DEPTOR: variants seen among roughly 807,000 people sequenced by gnomAD.
DEPTOR encodes DEP domain-containing mTOR-interacting protein.
Under a neutral mutation model 41.6 loss-of-function variants are expected in DEPTOR, and 41 were observed. The observed-to-expected ratio is 0.98, with a 90% confidence interval of 0.77 to 1.28. The LOEUF (loss-of-function observed/expected upper bound fraction) is 1.28. Ranked by LOEUF, DEPTOR falls within the 50% of genes most tolerant of loss-of-function variation. DEPTOR has a pLI of 0.00. For synonymous variants in DEPTOR, 195 were observed against 192.3 expected (o/e 1.01, Z -0.12); for missense variants, 514 against 527.9 (o/e 0.97, Z 0.26).
chr8:119,919,466 A>T (rs1827863596), intron 1 of DEPTOR, among the ~76,000 whole-genome samples: 1 of 152,162 alleles, frequency 6.6e-6, no homozygotes, highest in Non-Finnish European at 1.5e-5. Context: ...TTCTACTGTG[A>T]GGATATATTA....
Position 119,974,070 on chromosome 8 carries a change from A to AG in DEPTOR, c.604+8664dup, listed in dbSNP as rs1231725903. Among the ~76,000 whole-genome samples the AG allele has an allele frequency of 3.3e-5, 5 of 152,066 alleles. No individual in the cohort carries two copies. The East Asian group carries it at 9.7e-4, about 30-fold the overall frequency. ...CTGGAATAGCCCAGCTGGAAAGGAA[A>AG]GGGGAAAAAGGGGAAGAGGAGAGGG... On this transcript the variant is annotated intron_variant, in intron 4 of 8. Coordinates refer to ENST00000286234, the MANE Select transcript of DEPTOR (RefSeq NM_022783.4).
At chr8:119,972,858 A>G (rs1474339919) in intron 4 of DEPTOR, among the ~76,000 whole-genome samples, 1 of 152,190 alleles carries the variant, frequency 6.6e-6, no homozygotes, top group Non-Finnish European at 1.5e-5. Flanking sequence ...AACCTCTGAA[A>G]TCTACAATAT....
intron 3 of DEPTOR, among the ~76,000 whole-genome samples, chr8:119,931,509 G>T (rs1043107435): frequency 1.3e-5 from 2 of 152,176 alleles, no homozygotes; most frequent in Non-Finnish European, 2.9e-5. Context: ...AGACCTCACA[G>T]ATGATAGCCA....
At chr8:119,896,144 A>G (rs540259082) in intron 1 of DEPTOR, among the ~76,000 whole-genome samples, 57 of 152,316 alleles carry the variant, frequency 3.7e-4, no homozygotes, top group Middle Eastern at 3.4e-3. Context: ...TAACAACAAT[A>G]ATAAAAATAA....
At chr8:119,874,211 G>C in intron 1 of DEPTOR, 1 of 561,140 alleles carries the variant, frequency 1.8e-6, no homozygotes. Context: ...TGCGCGCTGC[G>C]CCCTAGCCTG....
chr8:119,884,784 C>T (rs929349565), intron 1 of DEPTOR, among the ~76,000 whole-genome samples: 4 of 151,228 alleles, frequency 2.6e-5, no homozygotes, highest in African/African-American at 7.3e-5. Flanking sequence ...AGTGTGGTGG[C>T]ATGATTGCAA....
rs879669921 is a variant in DEPTOR at position 119,955,472 on chromosome 8, CT to C, written c.426-9749del. On this transcript the variant is annotated intron_variant, in intron 3 of 8. Transcript: ENST00000286234. ...CATTTTGACATAATTTTTTTCCTTT[CT>C]TTTTTTTTTTGAGTCAAAGTTTCGC... Among the ~76,000 whole-genome samples the C allele has an allele frequency of 4.7e-3, 682 of 145,950 alleles. 4 individuals carry two copies. Among genetic ancestry groups the C allele is most frequent in the African/African-American group, 0.015 (598 of 40,186 alleles).
intron 1 of DEPTOR, among the ~76,000 whole-genome samples, chr8:119,893,112 T>G (rs2129722046): frequency 6.6e-6 from 1 of 152,282 alleles, no homozygotes; most frequent in East Asian, 1.9e-4. Context: ...ATTACATCTT[T>G]CAAGTGAAGG....
intron 4 of DEPTOR, among the ~76,000 whole-genome samples, chr8:119,987,372 C>A (rs1458439438): frequency 6.6e-6 from 1 of 152,174 alleles, no homozygotes; most frequent in Non-Finnish European, 1.5e-5. Flanking sequence ...TACAGAACAG[C>A]AAAGATTGCT....
chr8:119,987,500 C>A (rs1435433685), intron 4 of DEPTOR, among the ~76,000 whole-genome samples: 3 of 152,186 alleles, frequency 2.0e-5, no homozygotes, highest in Non-Finnish European at 2.9e-5. Flanking sequence ...AGTCAGGAGG[C>A]ATGGGATTCA....
At chr8:119,913,318 A>C (rs1827768491) in intron 1 of DEPTOR, among the ~76,000 whole-genome samples, 1 of 152,224 alleles carries the variant, frequency 6.6e-6, no homozygotes. Context: ...TGGAAAACAA[A>C]AGAGAGGTTC....
Position 120,046,281 on chromosome 8 carries a change from A to G in DEPTOR, c.1102-3295A>G, listed in dbSNP as rs185962690. Among the ~76,000 whole-genome samples, 512 of 152,312 alleles carry G rather than the reference A, an allele frequency of 3.4e-3. 2 individuals carry two copies. Among genetic ancestry groups the G allele is most frequent in the Non-Finnish European group, 5.6e-3 (382 of 68,034 alleles). ...ATATTCACAGATTTATGTCACTATT[A>G]CAACAATTTTAGAGCATTTTTATCA... On this transcript the variant is annotated intron_variant, in intron 8 of 8. Coordinates refer to ENST00000286234, the MANE Select transcript of DEPTOR (RefSeq NM_022783.4).
At chr8:120,040,291 G>T (rs1457842366) in intron 8 of DEPTOR, among the ~76,000 whole-genome samples, 1 of 152,046 alleles carries the variant, frequency 6.6e-6, no homozygotes, top group Admixed American at 6.5e-5. Flanking sequence ...AAAAATCCTA[G>T]CAGGGCTGAG....
intron 5 of DEPTOR, among the ~76,000 whole-genome samples, 186 bp from the exon 6 acceptor site, chr8:120,002,791 A>AAAAAATATATATATATAT: frequency 9.4e-4 from 57 of 60,652 alleles, no homozygotes; most frequent in African/African-American, 3.8e-3. Context: ...AAAAAAAAAA[A>AAAAAATATATATATATAT]ATATATATAT....
chr8:120,044,326 TG>T (rs1230523665), intron 8 of DEPTOR, among the ~76,000 whole-genome samples: 1 of 152,096 alleles, frequency 6.6e-6, no homozygotes, highest in Non-Finnish European at 1.5e-5. Flanking sequence ...GGTTTCACCA[TG>T]TTGGTCAGGC....
chr8:119,980,562 G>A (rs1214856145), intron 4 of DEPTOR, among the ~76,000 whole-genome samples: 2 of 143,478 alleles, frequency 1.4e-5, no homozygotes, highest in Non-Finnish European at 3.0e-5. Flanking sequence ...TTGTTGCCCA[G>A]GCTGGAGTGC....
intron 4 of DEPTOR, among the ~76,000 whole-genome samples, chr8:119,974,056 C>G (rs575317763): frequency 3.5e-4 from 53 of 151,394 alleles, no homozygotes; most frequent in African/African-American, 1.2e-3. Context: ...TGGAATAGCC[C>G]AGCTGGAAAG....
intron 8 of DEPTOR, among the ~76,000 whole-genome samples, chr8:120,011,757 C>T (rs1812533995): frequency 6.6e-6 from 1 of 152,200 alleles, no homozygotes; most frequent in East Asian, 1.9e-4. Flanking sequence ...CATTAACTAA[C>T]TCTTTAACGT....
At chr8:120,013,154 C>CA (rs34050547) in intron 8 of DEPTOR, among the ~76,000 whole-genome samples, 35,300 of 125,648 alleles carry the variant, frequency 0.28, 4,860 homozygotes, top group South Asian at 0.43. Context: ...GAGACTGTCT[C>CA]AAAAAGAAAA....
Sources: allele counts gnomAD v4.1 joint callset (sites outside exome capture counted in the v4.1 genomes callset), GRCh38; gene constraint gnomAD v4.1.1; transcripts MANE v1.5; gene names NCBI Gene and HGNC (gene_info 2026-07-23, HGNC 2026-07-21).